CHST11: variants seen among roughly 807,000 people sequenced by gnomAD.
CHST11 encodes the protein C4S-1.
Under a neutral mutation model 30.4 loss-of-function variants are expected in CHST11, and 9 were observed. That is an observed-to-expected ratio of 0.30 (90% CI 0.18 to 0.52). CHST11 has a LOEUF of 0.52. Ranked by LOEUF, CHST11 falls within the 20% of genes least tolerant of loss-of-function variation. CHST11 has a pLI of 0.97. For synonymous variants in CHST11, 152 were observed against 187.8 expected, an observed-to-expected ratio of 0.81 and a Z score of 1.56; for missense variants, 348 against 460.6, an observed-to-expected ratio of 0.76 and a Z score of 2.24.
At position 104,676,686 on chromosome 12, in the gene CHST11, A is replaced by G. The variant is rs2039745733; in HGVS notation, c.204+74695A>G. On this transcript the variant is annotated intron_variant, in intron 2 of 2. Transcript: ENST00000303694. This position sits in a 1 kb window ranked among gnomAD's most constrained non-coding sequence, Gnocchi z 4.4. ...CCAAAGTGTTGGGATTACAGGCATG[A>G]GCCACTGCACCCGGCCTCCCTGCCT... Among the ~76,000 whole-genome samples the G allele has an allele frequency of 6.6e-6, 1 of 152,210 alleles. No individual in the cohort carries two copies. Among genetic ancestry groups the G allele is most frequent in the South Asian group, 2.1e-4 (1 of 4,830 alleles).
chr12:104,628,400 C>T (rs947096061), intron 2 of CHST11, among the ~76,000 whole-genome samples: 3 of 152,154 alleles, frequency 2.0e-5, no homozygotes, highest in African/African-American at 7.2e-5. Context: ...CAAAAGATTT[C>T]TATTTTAAGC....
chr12:104,517,873 T>A (rs2038039445), intron 1 of CHST11, among the ~76,000 whole-genome samples: 3 of 152,242 alleles, frequency 2.0e-5, no homozygotes, highest in Admixed American at 1.3e-4. Context: ...CCCTTTTCTT[T>A]GTGTAGTGTC....
intron 1 of CHST11, among the ~76,000 whole-genome samples, chr12:104,597,897 G>A (rs2038922080): frequency 6.6e-6 from 1 of 152,202 alleles, no homozygotes; most frequent in African/African-American, 2.4e-5. Flanking sequence ...TGGCAGCTGA[G>A]ACCATGGGCT....
chr12:104,610,616 C>G (rs899349505), intron 2 of CHST11, among the ~76,000 whole-genome samples: 1 of 152,210 alleles, frequency 6.6e-6, no homozygotes, highest in African/African-American at 2.4e-5. Context: ...TGACACAACT[C>G]AAGTAGCTTC....
intron 2 of CHST11, among the ~76,000 whole-genome samples, chr12:104,684,769 G>C (rs572043757): frequency 1.3e-5 from 2 of 151,988 alleles, no homozygotes; most frequent in Admixed American, 6.6e-5. Flanking sequence ...GTCTAGTCTC[G>C]AACTCCTGAC....
At chr12:104,488,004 G>T (rs2037700030) in intron 1 of CHST11, among the ~76,000 whole-genome samples, 1 of 152,008 alleles carries the variant, frequency 6.6e-6, no homozygotes, top group African/African-American at 2.4e-5. Context: ...GAACTCCTGG[G>T]CTCAAGCAAT....
At chr12:104,558,696 G>T (rs756031998) in intron 1 of CHST11, among the ~76,000 whole-genome samples, 2 of 151,744 alleles carry the variant, frequency 1.3e-5, no homozygotes, top group African/African-American at 4.8e-5. Context: ...GTGCCACCAC[G>T]CCCAGCTAAT....
intron 1 of CHST11, among the ~76,000 whole-genome samples, chr12:104,580,131 T>G (rs1565994850): frequency 6.6e-6 from 1 of 152,194 alleles, no homozygotes. Context: ...CATTAGGGGA[T>G]TGAAGCCAGA....
chr12:104,573,596 G>A (rs1025026348), intron 1 of CHST11, among the ~76,000 whole-genome samples: 57 of 152,132 alleles, frequency 3.7e-4, no homozygotes, highest in Non-Finnish European at 1.0e-4. Context: ...CCTGACAAAA[G>A]CAAGAAATGA....
intron 1 of CHST11, among the ~76,000 whole-genome samples, chr12:104,584,180 TA>T (rs2038777989): frequency 6.6e-6 from 1 of 152,214 alleles, no homozygotes; most frequent in Non-Finnish European, 1.5e-5. Context: ...TCATCATTTT[TA>T]GTGGGAAGAA....
intron 2 of CHST11, among the ~76,000 whole-genome samples, chr12:104,608,272 A>C (rs568105974): frequency 6.6e-6 from 1 of 152,326 alleles, no homozygotes; most frequent in African/African-American, 2.4e-5. Flanking sequence ...GGCAGGACCA[A>C]GGGAAAACAA....
intron 2 of CHST11, among the ~76,000 whole-genome samples, chr12:104,623,100 G>GCAGC (rs1320720711): frequency 6.6e-6 from 1 of 152,214 alleles, no homozygotes; most frequent in African/African-American, 2.4e-5. Flanking sequence ...GTGAATGAAA[G>GCAGC]CAGCCAAGAC....
At chr12:104,509,375 C>G (rs771501268) in intron 1 of CHST11, among the ~76,000 whole-genome samples, 8 of 152,300 alleles carry the variant, frequency 5.3e-5, no homozygotes, top group Non-Finnish European at 4.4e-5. Context: ...ATGTCTTTAT[C>G]AGCAGTGTGA....
Position 104,757,741 on chromosome 12 carries a change from G to C in CHST11, c.997G>C (p.Val333Leu), listed in dbSNP as rs2040491879. Residue 333 changes from valine (V) to leucine (L), a missense_variant, in exon 3 of 3, where the codon GTC (valine) becomes CTC (leucine). Physicochemically the swap from Val to Leu is conservative, Grantham distance 32. Around this residue, in one of 3 missense-constraint regions of CHST11, gnomAD observed 210 missense variants for 287.2 expected, o/e 0.73. Coordinates refer to ENST00000303694, the MANE Select transcript of CHST11 (RefSeq NM_018413.6). This position sits in a 1 kb window ranked among gnomAD's most constrained non-coding sequence, Gnocchi z 6.5. ...SSEHQTQLYE[V>L]YKLDFLMFNY... ...AGAGCACCAAACGCAGCTGTACGAA[G>C]TCTACAAACTCGATTTTTTAATGTT... is the stretch of plus-strand genomic sequence containing the variant. 4 of 1,614,108 alleles carry C rather than the reference G, an allele frequency of 2.5e-6. No homozygotes were observed. Among genetic ancestry groups the C allele is most frequent in the Non-Finnish European group, 3.4e-6 (4 of 1,180,026 alleles).
At chr12:104,488,018 C>T (rs897252654) in intron 1 of CHST11, among the ~76,000 whole-genome samples, 112 of 152,228 alleles carry the variant, frequency 7.4e-4, no homozygotes, top group African/African-American at 2.6e-3. Flanking sequence ...AAGCAATCCC[C>T]CTGCCTCAGC....
At chr12:104,610,169 T>C (rs2039046740) in intron 2 of CHST11, among the ~76,000 whole-genome samples, 1 of 152,110 alleles carries the variant, frequency 6.6e-6, no homozygotes, top group Non-Finnish European at 1.5e-5. Flanking sequence ...TTTCATATTT[T>C]AAAAGTCTTC....
At chr12:104,460,436 G>A (rs1172270400) in intron 1 of CHST11, among the ~76,000 whole-genome samples, 1 of 152,108 alleles carries the variant, frequency 6.6e-6, no homozygotes, top group Non-Finnish European at 1.5e-5. Context: ...GGCTGAGGCG[G>A]GTGCATCACT....
At chr12:104,568,642 T>G (rs902467803) in intron 1 of CHST11, among the ~76,000 whole-genome samples, 7 of 152,164 alleles carry the variant, frequency 4.6e-5, no homozygotes, top group African/African-American at 1.7e-4. Context: ...ATCTCTACTA[T>G]TATCTATAAT....
rs117124009 is a variant in CHST11 at position 104,457,349 on chromosome 12, C to T, written c.-63C>T. Reference sequence around the variant, plus strand: ...CGGGCTCCGGTCCGCGCGGCGGGGTCCCTGCTCCTGCGCCCCGGGCGCGCT... The same window carrying T: ...CGGGCTCCGGTCCGCGCGGCGGGGTTCCTGCTCCTGCGCCCCGGGCGCGCT... On this transcript the variant is annotated 5_prime_UTR_variant, in exon 1 of 3. Coordinates refer to ENST00000303694, the MANE Select transcript of CHST11 (RefSeq NM_018413.6). 8.1e-7 allele frequency: 1 copy of T among 1,231,934 alleles called. No individual in the cohort carries two copies. Among genetic ancestry groups the T allele is most frequent in the Middle Eastern group, 2.3e-4 (1 of 4,258 alleles). The allele number at this position is 1,231,934 out of a possible 1,614,324, so 76.3% of individuals were successfully genotyped here.
Sources: gnomAD v4.1 joint callset for allele counts (sites outside exome capture counted in the v4.1 genomes callset) on GRCh38, gnomAD v4.1.1 for gene constraint, gnomAD v4.1.1 regional missense constraint, Gnocchi (gnomAD v3.1) non-coding constraint, MANE v1.5 for transcripts, NCBI Gene and HGNC (gene_info 2026-07-23, HGNC 2026-07-21) for gene names.